CNRIP1: variants seen among roughly 807,000 people sequenced by gnomAD.
CNRIP1 encodes CB1 cannabinoid receptor-interacting protein 1.
CNRIP1 carries 10 observed loss-of-function variants against 15.2 expected under a neutral mutation model. The observed-to-expected ratio is 0.66, with a 90% CI of 0.41 to 1.12. The LOEUF (loss-of-function observed/expected upper bound fraction) is 1.12, where lower values mean the gene tolerates loss of function less well. Among genes scored for constraint, CNRIP1 ranks in the 50% most tolerant of loss-of-function variants. The pLI is 0.00. For missense variants in CNRIP1, 211 were observed against 214.7 expected (o/e 0.98, Z 0.11); for synonymous variants, 91 against 83.2 (o/e 1.09, Z -0.51).
intron 2 of CNRIP1, among the ~76,000 whole-genome samples, chr2:68,310,606 A>G (rs922880138): frequency 1.3e-5 from 2 of 152,190 alleles, no homozygotes; most frequent in African/African-American, 2.4e-5. Flanking sequence ...AGTAATACCC[A>G]GAAGAATAAA....
intron 2 of CNRIP1, among the ~76,000 whole-genome samples, chr2:68,308,200 AAAAAC>A (rs202078137): frequency 1.1e-4 from 16 of 150,120 alleles, no homozygotes; most frequent in Admixed American, 2.6e-4. Flanking sequence ...CTCTTATTAA[AAAAAC>A]AAAACAAAAC....
At chr2:68,308,513 C>G (rs1229641361) in intron 2 of CNRIP1, among the ~76,000 whole-genome samples, 3 of 151,968 alleles carry the variant, frequency 2.0e-5, no homozygotes, top group African/African-American at 7.2e-5. Context: ...CTTTTCTAGT[C>G]TATTTTGATT....
chr2:68,309,594 T>G (rs1671998872), intron 2 of CNRIP1, among the ~76,000 whole-genome samples: 1 of 152,220 alleles, frequency 6.6e-6, no homozygotes, highest in Non-Finnish European at 1.5e-5. Flanking sequence ...GCACTGGCAC[T>G]AGAGTGCTTT....
intron 2 of CNRIP1, among the ~76,000 whole-genome samples, chr2:68,315,549 T>C (rs986887052): frequency 1.3e-5 from 2 of 152,166 alleles, no homozygotes; most frequent in African/African-American, 4.8e-5. Flanking sequence ...CTGAGGATAA[T>C]TTGATACATT....
chr2:68,297,974 A>G (rs770430024), intron 2 of CNRIP1, among the ~76,000 whole-genome samples: 1 of 152,212 alleles, frequency 6.6e-6, no homozygotes, highest in Non-Finnish European at 1.5e-5. Flanking sequence ...GATTTTTTCT[A>G]CAATAAATGT....
chr2:68,287,743 C>G (rs1671065349), intron 2 of CNRIP1, among the ~76,000 whole-genome samples: 1 of 152,346 alleles, frequency 6.6e-6, no homozygotes, highest in South Asian at 2.1e-4. Flanking sequence ...AGCACATGGC[C>G]TTAGCCCAGG....
chr2:68,300,198 T>C (rs1347377600), intron 2 of CNRIP1, among the ~76,000 whole-genome samples: 2 of 152,232 alleles, frequency 1.3e-5, no homozygotes, highest in Non-Finnish European at 2.9e-5. Flanking sequence ...TCCTAAGTGA[T>C]TGTGCCCATG....
At position 68,284,475 on chromosome 2, in the gene CNRIP1, C is replaced by A; in HGVS notation, c.340G>T (p.Glu114Ter). 1 of 1,540,076 alleles carries A rather than the reference C, an allele frequency of 6.5e-7. No homozygotes were observed. Among genetic ancestry groups the A allele is most frequent in the Non-Finnish European group, 8.8e-7 (1 of 1,141,516 alleles). Reference sequence around the variant, plus strand: ...AGAGAGATCTCTTGGGGTCGTTGTTCCAGGCACTCCTGAAAATAAATAGAT... The same window carrying A: ...AGAGAGATCTCTTGGGGTCGTTGTTACAGGCACTCCTGAAAATAAATAGAT... The change falls in exon 3 of 3, where the codon GAA becomes TAA. Residue 114 changes from glutamate (E) to a stop codon, truncating the protein, a stop_gained. Coordinates refer to the CNRIP1 transcript ENST00000409559. LOFTEE classifies it low-confidence loss of function (END_TRUNC).
At chr2:68,288,067 G>GGCCAGCCAGCCAGCCA (rs70949693), downstream of CNRIP1, among the ~76,000 whole-genome samples, 20 of 149,878 alleles carry the variant, frequency 1.3e-4, no homozygotes, top group South Asian at 8.6e-4. Context: ...GCAGCCGGCC[G>GGCCAGCCAGCCAGCCA]GCCAGCCAGC....
At position 68,317,255 on chromosome 2, in the gene CNRIP1, G is replaced by C. The variant is rs781374091; in HGVS notation, c.232C>G (p.Pro78Ala). The C allele has an allele frequency of 6.2e-6, 10 of 1,613,980 alleles. No homozygotes were observed. Among genetic ancestry groups the C allele is most frequent in the Non-Finnish European group, 8.5e-7 (1 of 1,180,008 alleles). Residue 78 changes from proline (P) to alanine (A), a missense_variant, in exon 2 of 3, where the codon CCT becomes GCT. Coordinates refer to ENST00000263655, the MANE Select transcript of CNRIP1 (RefSeq NM_015463.3). Reference sequence around the variant, plus strand: ...GTATAAACAACTCTGTCCCCATCAGGCTCTTTAGACTTCAGTTCCAGTGGG... The same window carrying C: ...GTATAAACAACTCTGTCCCCATCAGCCTCTTTAGACTTCAGTTCCAGTGGG... ...LVPLELKSKEPDGDRVVYTGT... is the reference protein window; with the variant it reads ...LVPLELKSKEADGDRVVYTGT...
chr2:68,311,534 G>C (rs1194213157), intron 2 of CNRIP1, among the ~76,000 whole-genome samples: 2 of 152,156 alleles, frequency 1.3e-5, no homozygotes, highest in Non-Finnish European at 2.9e-5. Flanking sequence ...AGCCCTTTGA[G>C]AGGACAAGGT....
At chr2:68,284,798 G>A (rs1418722425) in intron 2 of CNRIP1, among the ~76,000 whole-genome samples, 10 of 137,770 alleles carry the variant, frequency 7.3e-5, no homozygotes, top group Middle Eastern at 4.4e-3. Context: ...GTGACAGAGC[G>A]AGACTCTGTC....
chr2:68,300,638 A>G (rs1202117314), intron 2 of CNRIP1, among the ~76,000 whole-genome samples: 2 of 152,132 alleles, frequency 1.3e-5, no homozygotes, highest in African/African-American at 4.8e-5. Context: ...AAAAGAAAAA[A>G]GAAAAAAGAA....
chr2:68,308,157 C>A (rs1671929585), intron 2 of CNRIP1, among the ~76,000 whole-genome samples: 1 of 152,008 alleles, frequency 6.6e-6, no homozygotes, highest in Non-Finnish European at 1.5e-5. Flanking sequence ...CATGCCACTG[C>A]ACTCTAGCCT....
At chr2:68,305,352 A>C (rs1671794812) in intron 2 of CNRIP1, among the ~76,000 whole-genome samples, 1 of 150,192 alleles carries the variant, frequency 6.7e-6, no homozygotes, top group South Asian at 2.1e-4. Flanking sequence ...AAATATATAT[A>C]GACACCACAC....
intron 2 of CNRIP1, among the ~76,000 whole-genome samples, chr2:68,284,638 C>T (rs1670983344): frequency 1.3e-5 from 2 of 151,836 alleles, no homozygotes; most frequent in African/African-American, 4.8e-5. Flanking sequence ...TGGTGAAGCC[C>T]CATCTCTACT....
rs3039882 is a variant in CNRIP1 at position 68,286,317 on chromosome 2, A to AAC, written c.331-1835_331-1834dup. On this transcript the variant is annotated intron_variant, in intron 2 of 2. Transcript: ENST00000409559. ...ATTTGGGGAAATTAAGGACCTTACG[A>AAC]ACACACACACACACACACACACACA... Among the ~76,000 whole-genome samples, 271 of 149,724 alleles carry AAC rather than the reference A, an allele frequency of 1.8e-3. 2 individuals are homozygous for AAC. The highest frequency in any genetic ancestry group is 6.9e-3 in the Middle Eastern group (2 of 290).
chr2:68,304,088 A>AC lies in CNRIP1; in HGVS notation c.331-10063_331-10062insG, dbSNP rs1671718054. On this transcript the variant is annotated intron_variant, in intron 2 of 2. Coordinates refer to ENST00000263655, the MANE Select transcript of CNRIP1 (RefSeq NM_015463.3). ...CAAGACTGTCTAAAAACAAACAAAA[A>AC]AAACAAACAAAAAAGCCAGCCAGGT... 1.1e-4 allele frequency among the ~76,000 whole-genome samples: 16 copies of AC among 151,488 alleles called. No individual in the cohort carries two copies. In the South Asian group the frequency reaches 3.3e-3, roughly 32 times the overall value.
intron 2 of CNRIP1, among the ~76,000 whole-genome samples, chr2:68,299,051 TTTA>T (rs1398830808): frequency 2.6e-5 from 4 of 152,168 alleles, no homozygotes; most frequent in Non-Finnish European, 5.9e-5. Flanking sequence ...TGTGCCTGGT[TTTA>T]TTATCTCCAG....
Sources: gnomAD v4.1 joint callset for allele counts (sites outside exome capture counted in the v4.1 genomes callset) on GRCh38, gnomAD v4.1.1 for gene constraint, MANE v1.5 for transcripts, NCBI Gene and HGNC (gene_info 2026-07-23, HGNC 2026-07-21) for gene names.